The following NADK2 variants were observed in gnomAD, a reference collection of about 807,000 sequenced individuals.
NADK2 encodes the protein NAD kinase domain-containing protein 1, mitochondrial.
Under a neutral mutation model 62.1 loss-of-function variants are expected in NADK2, and 35 were observed. That is an observed-to-expected ratio of 0.56 (90% CI 0.43 to 0.75). The LOEUF (loss-of-function observed/expected upper bound fraction) is 0.75, where lower values mean the gene tolerates loss of function less well. Among genes scored for constraint, NADK2 ranks in the 30% least tolerant of loss-of-function variants. NADK2 has a pLI of 0.00. For synonymous variants in NADK2, 205 were observed against 207.9 expected, an observed-to-expected ratio of 0.99 and a Z score of 0.12; for missense variants, 439 against 561.3, an observed-to-expected ratio of 0.78 and a Z score of 2.20.
intron 6 of NADK2, among the ~76,000 whole-genome samples, chr5:36,214,560 C>T (rs575969759): frequency 6.6e-6 from 1 of 152,264 alleles, no homozygotes; most frequent in Admixed American, 6.5e-5. Flanking sequence ...ATACTAGTGA[C>T]ACAAACTACT....
chr5:36,201,048 T>C, intron 9 of NADK2, 58 bp downstream of exon 9: 1 of 1,466,684 alleles, frequency 6.8e-7, no homozygotes, highest in Non-Finnish European at 9.5e-7. Flanking sequence ...CTGGGGGTTC[T>C]GGAACTTGTC....
intron 7 of NADK2, among the ~76,000 whole-genome samples, chr5:36,207,874 T>A (rs1308695145): frequency 6.6e-6 from 1 of 152,146 alleles, no homozygotes; most frequent in South Asian, 2.1e-4. Context: ...TTTACATTTC[T>A]TAAAATATTT....
intron 11 of NADK2, 106 bp downstream of exon 11, chr5:36,197,433 TAA>T (rs1277094915): frequency 2.1e-6 from 3 of 1,423,246 alleles, no homozygotes; most frequent in Non-Finnish European, 2.9e-6. Context: ...CCTGCTAGAT[TAA>T]GTTTGAATGA....
chr5:36,198,264 G>A (rs1746307790), intron 10 of NADK2, among the ~76,000 whole-genome samples: 1 of 151,860 alleles, frequency 6.6e-6, no homozygotes, highest in Non-Finnish European at 1.5e-5. Flanking sequence ...AGGCTTGAAA[G>A]TTTAGTTGAG....
intron 4 of NADK2, 71 bp from the exon 5 acceptor site, chr5:36,219,750 C>T (rs1747194529): frequency 9.2e-7 from 1 of 1,087,862 alleles, no homozygotes; most frequent in East Asian, 2.4e-5. Flanking sequence ...AAAATTTAAT[C>T]AAAAGGTATC....
intron 6 of NADK2, among the ~76,000 whole-genome samples, chr5:36,212,545 C>A (rs897306215): frequency 6.6e-6 from 1 of 152,140 alleles, no homozygotes; most frequent in African/African-American, 2.4e-5. Context: ...TAAAATCCTC[C>A]AAAGGATTCC....
intron 6 of NADK2, among the ~76,000 whole-genome samples, chr5:36,216,642 G>C (rs915006575): frequency 6.6e-6 from 1 of 151,936 alleles, no homozygotes; most frequent in Non-Finnish European, 1.5e-5. Flanking sequence ...CACTAAGTTT[G>C]TATGTTTCTA....
intron 8 of NADK2, among the ~76,000 whole-genome samples, chr5:36,204,604 CAT>C (rs1455249181): frequency 3.9e-5 from 6 of 151,904 alleles, no homozygotes; most frequent in African/African-American, 1.2e-4. Context: ...AATTTTATAA[CAT>C]ATTAAAGGAT....
At chr5:36,219,864 T>C (rs781217126) in intron 4 of NADK2, among the ~76,000 whole-genome samples, 185 bp from the exon 5 acceptor site, 11 of 152,328 alleles carry the variant, frequency 7.2e-5, no homozygotes, top group Admixed American at 6.5e-4. Context: ...AAAGACCAGA[T>C]AGAATTAGTA....
chr5:36,220,925 C>T (rs562166735), intron 4 of NADK2: 1 of 152,356 alleles, frequency 6.6e-6, no homozygotes, highest in East Asian at 1.9e-4. Flanking sequence ...ATCCTCACAT[C>T]ATGGTGGCTG....
In NADK2 at chr5:36,204,197, C is replaced by T. The variant is rs560047735; in HGVS notation, c.956+2973G>A. Among the ~76,000 whole-genome samples, 3 of 152,268 alleles carry T rather than the reference C, an allele frequency of 2.0e-5. No homozygotes were observed. The South Asian group carries it at 6.2e-4, about 32-fold the overall frequency. On this transcript the variant is annotated intron_variant, in intron 8 of 11. Transcript: ENST00000381937. ...GTACAAAGTAGCAGGGGCTATATAA[C>T]TGATAGCTTGTATTACAATGCATAA...
chr5:36,216,643 T>C (rs1747055413), intron 6 of NADK2, among the ~76,000 whole-genome samples: 2 of 152,172 alleles, frequency 1.3e-5, no homozygotes, highest in Admixed American at 6.5e-5. Context: ...ACTAAGTTTG[T>C]ATGTTTCTAT....
intron 7 of NADK2, among the ~76,000 whole-genome samples, chr5:36,210,192 T>C (rs1746787971): frequency 6.6e-6 from 1 of 152,166 alleles, no homozygotes. Flanking sequence ...CTACCCTTAA[T>C]TTACTTACAT....
chr5:36,201,039 TG>T, intron 9 of NADK2, 66 bp downstream of exon 9: 3 of 1,355,390 alleles, frequency 2.2e-6, no homozygotes, highest in Non-Finnish European at 3.2e-6. Context: ...CAGCATTCAC[TG>T]GGGGTTCTGG....
Position 36,241,609 on chromosome 5 carries a change from C to G in NADK2, c.190G>C (p.Gly64Arg), listed in dbSNP as rs1321281743. Residue 64 changes from glycine to arginine, a missense_variant, in exon 1 of 12, where the codon GGC (glycine) becomes CGC (arginine). Gly to Arg is a moderately radical substitution (Grantham distance 125). Transcript: ENST00000381937. The surrounding 1 kb of genome is among the most constrained non-coding windows in gnomAD (Gnocchi z 4.9). ...ELAGCGSRAD[G>R]GFRPSRVVVV... ...ACCACCCGGGAGGGGCGGAAGCCGC[C>G]GTCCGCGCGGCTGCCACAGCCCGCC... 4.0e-6 allele frequency: 6 copies of G among 1,496,408 alleles called. No homozygotes were observed. Among genetic ancestry groups the G allele is most frequent in the Non-Finnish European group, 5.3e-6 (6 of 1,131,308 alleles). 92.7% of individuals were successfully genotyped at this position (1,496,408 alleles called of 1,614,324 possible). A position where few individuals can be genotyped will look rare whatever the true frequency, so the allele number is the denominator to read the frequency against.
At chr5:36,229,508 A>G (rs1406130618) in intron 1 of NADK2, among the ~76,000 whole-genome samples, 2 of 152,012 alleles carry the variant, frequency 1.3e-5, no homozygotes, top group African/African-American at 4.8e-5. Flanking sequence ...GGACCAACAG[A>G]GCATGAATAT....
At chr5:36,228,754 G>A (rs537228463) in intron 1 of NADK2, among the ~76,000 whole-genome samples, 4 of 151,346 alleles carry the variant, frequency 2.6e-5, no homozygotes, top group African/African-American at 9.7e-5. Flanking sequence ...AGGCAGCTGG[G>A]ACTACAAGTG....
At chr5:36,201,928 G>A (rs2112073999) in intron 8 of NADK2, among the ~76,000 whole-genome samples, 1 of 152,044 alleles carries the variant, frequency 6.6e-6, no homozygotes, top group African/African-American at 2.4e-5. Context: ...AGATCACTAA[G>A]AAAAGGTTGT....
At chr5:36,211,448 G>A (rs1334279761) in intron 7 of NADK2, among the ~76,000 whole-genome samples, 15 of 151,996 alleles carry the variant, frequency 9.9e-5, no homozygotes, top group African/African-American at 3.4e-4. Context: ...CCAGCTACTC[G>A]GGAGGCTGAG....
Sources: allele counts gnomAD v4.1 joint callset (sites outside exome capture counted in the v4.1 genomes callset), GRCh38; gene constraint gnomAD v4.1.1; non-coding constraint Gnocchi (gnomAD v3.1); transcripts MANE v1.5; gene names NCBI Gene and HGNC (gene_info 2026-07-23, HGNC 2026-07-21).